Variants in CYYR1 observed in about 807,000 individuals in gnomAD.
CYYR1 encodes cysteine and tyrosine rich 1.
In CYYR1, 14 loss-of-function variants were observed where a neutral mutation model predicts 15.2. The observed-to-expected ratio is 0.92, with a 90% CI of 0.61 to 1.44. The LOEUF (loss-of-function observed/expected upper bound fraction) is 1.44, where lower values mean the gene tolerates loss of function less well. Among genes scored for constraint, CYYR1 ranks in the 40% most tolerant of loss-of-function variants. The pLI is 0.00. For missense variants in CYYR1, 228 were observed against 209.5 expected (o/e 1.09, Z -0.54); for synonymous variants, 80 against 77.4 (o/e 1.03, Z -0.18).
Position 26,478,945 on chromosome 21 carries a change from G to A in CYYR1, c.334+1327C>T, listed in dbSNP as rs140967769. Among the ~76,000 whole-genome samples, 365 of 152,148 alleles carry A rather than the reference G, an allele frequency of 2.4e-3. 1 individual carries two copies. Among genetic ancestry groups the A allele is most frequent in the African/African-American group, 8.1e-3 (337 of 41,522 alleles). Reference sequence around the variant, plus strand: ...AAGGCTGTGAGTGGACAGGGGTTTTGGGGGAAATCCAACACTTGGATCAGA... The same window carrying A: ...AAGGCTGTGAGTGGACAGGGGTTTTAGGGGAAATCCAACACTTGGATCAGA... On this transcript the variant is annotated intron_variant, in intron 3 of 3. Coordinates refer to ENST00000652641, the MANE Select transcript of CYYR1 (RefSeq NM_001320768.2).
intron 2 of CYYR1, among the ~76,000 whole-genome samples, chr21:26,499,230 A>G (rs1332877882): frequency 6.6e-6 from 1 of 152,140 alleles, no homozygotes; most frequent in Non-Finnish European, 1.5e-5. Flanking sequence ...ATACTGGATT[A>G]CCTGGGTCAG....
intron 2 of CYYR1, among the ~76,000 whole-genome samples, chr21:26,553,722 G>C (rs915046676): frequency 2.0e-5 from 3 of 152,170 alleles, no homozygotes; most frequent in African/African-American, 7.2e-5. Context: ...GTTATGCTCA[G>C]TAGGAGGCAG....
intron 2 of CYYR1, among the ~76,000 whole-genome samples, chr21:26,529,672 A>G (rs1269927993): frequency 1.3e-5 from 2 of 152,244 alleles, no homozygotes; most frequent in African/African-American, 4.8e-5. Context: ...TGCGGTTTGC[A>G]ACAGCCAAGA....
At chr21:26,490,961 G>T (rs1249676885) in intron 2 of CYYR1, among the ~76,000 whole-genome samples, 1 of 152,178 alleles carries the variant, frequency 6.6e-6, no homozygotes, top group Non-Finnish European at 1.5e-5. Flanking sequence ...TGAAATTTAA[G>T]CTCTAAGACC....
rs1425870029 is a variant in CYYR1, at chr21:26,510,583, A to G, written c.177-30154T>C. Among the ~76,000 whole-genome samples, 5 of 152,318 alleles carry G rather than the reference A, an allele frequency of 3.3e-5. No homozygotes were observed. In the East Asian group the frequency reaches 7.7e-4, roughly 24 times the overall value. ...CATTGGCTATTGTGCAATGTAGTCT[A>G]TTGTTGCAAGGATTCATGTGTATTT... On this transcript the variant is annotated intron_variant, in intron 2 of 3. Coordinates refer to ENST00000652641, the MANE Select transcript of CYYR1 (RefSeq NM_001320768.2).
At chr21:26,547,857 TAATACC>T (rs1343719168) in intron 2 of CYYR1, among the ~76,000 whole-genome samples, 1 of 152,024 alleles carries the variant, frequency 6.6e-6, no homozygotes, top group Non-Finnish European at 1.5e-5. Context: ...CCTGTTATAC[TAATACC>T]ATTCCCTGAT....
In CYYR1 at chr21:26,477,758, CTT is replaced by C. The variant is rs546169402; in HGVS notation, c.334+2512_334+2513del. 100 of 985,094 alleles carry C rather than the reference CTT, an allele frequency of 1.0e-4. No homozygotes were observed. In the Middle Eastern group the frequency reaches 2.1e-3, roughly 21 times the overall value. 61.0% of individuals were successfully genotyped at this position (985,094 alleles called of 1,614,324 possible). A position where few individuals can be genotyped will look rare whatever the true frequency, so the allele number is the denominator to read the frequency against. On this transcript the variant is annotated intron_variant, in intron 3 of 3. Transcript: ENST00000652641. The stretch of plus-strand genomic sequence containing the variant: ...TTCATACCTTCTCTACAATTAATGT[CTT>C]TGCTTGACTTTCTTCTGTTTTTCTC...
chr21:26,518,565 G>A (rs1184069907), intron 2 of CYYR1: 1 of 152,460 alleles, frequency 6.6e-6, no homozygotes, highest in East Asian at 1.9e-4. Flanking sequence ...CCAGAATCAT[G>A]AGCCAAATAA....
chr21:26,528,334 A>G (rs980215860), intron 2 of CYYR1, among the ~76,000 whole-genome samples: 2 of 152,084 alleles, frequency 1.3e-5, no homozygotes, highest in Non-Finnish European at 1.5e-5. Flanking sequence ...AGGTGGGCCT[A>G]GTGAGAGGTG....
intron 1 of CYYR1, chr21:26,567,832 C>G (rs765161576): frequency 6.6e-6 from 1 of 152,142 alleles, no homozygotes; most frequent in Non-Finnish European, 1.5e-5. Flanking sequence ...TAAGATGATA[C>G]TTTACAAAGA....
At chr21:26,489,170 A>G (rs1306914723) in intron 2 of CYYR1, among the ~76,000 whole-genome samples, 1 of 152,198 alleles carries the variant, frequency 6.6e-6, no homozygotes, top group African/African-American at 2.4e-5. Flanking sequence ...ATTGTTCCTC[A>G]TATCTTACGT....
At chr21:26,548,566 TA>T (rs1162897514) in intron 2 of CYYR1, among the ~76,000 whole-genome samples, 1 of 152,160 alleles carries the variant, frequency 6.6e-6, no homozygotes, top group Non-Finnish European at 1.5e-5. Context: ...AGGTTGGTCT[TA>T]AAAACTTCTA....
At chr21:26,532,746 C>T (rs1393151379) in intron 2 of CYYR1, among the ~76,000 whole-genome samples, 1 of 152,078 alleles carries the variant, frequency 6.6e-6, no homozygotes, top group African/African-American at 2.4e-5. Context: ...TAAGAAAATG[C>T]TTGTTTATTG....
At chr21:26,500,709 CAG>C (rs1301610592) in intron 2 of CYYR1, among the ~76,000 whole-genome samples, 1 of 152,142 alleles carries the variant, frequency 6.6e-6, no homozygotes, top group Non-Finnish European at 1.5e-5. Context: ...AGTGGGAAGA[CAG>C]AGCAATTGGC....
chr21:26,572,069 G>A (rs1342530948), intron 1 of CYYR1, among the ~76,000 whole-genome samples: 1 of 152,156 alleles, frequency 6.6e-6, no homozygotes, highest in East Asian at 1.9e-4. Context: ...GGAGGCTCAG[G>A]GGTGAGCCTG....
intron 2 of CYYR1, among the ~76,000 whole-genome samples, chr21:26,509,398 T>G (rs902158726): frequency 1.3e-5 from 2 of 152,208 alleles, no homozygotes; most frequent in African/African-American, 4.8e-5. Context: ...TTCCTATCCC[T>G]TTTTACTATT....
chr21:26,503,291 T>C (rs920788528), intron 2 of CYYR1, among the ~76,000 whole-genome samples: 4 of 152,172 alleles, frequency 2.6e-5, no homozygotes, highest in Non-Finnish European at 5.9e-5. Flanking sequence ...AGTCACTTGT[T>C]TCACTTTTTA....
intron 2 of CYYR1, among the ~76,000 whole-genome samples, chr21:26,489,378 A>G (rs923276186): frequency 1.3e-5 from 2 of 152,130 alleles, no homozygotes; most frequent in Admixed American, 6.6e-5. Context: ...CCCTTTAAGA[A>G]CTGCCTGGTT....
chr21:26,515,644 T>A (rs1268118895), intron 2 of CYYR1, among the ~76,000 whole-genome samples: 4 of 152,092 alleles, frequency 2.6e-5, no homozygotes, highest in Non-Finnish European at 5.9e-5. Context: ...TCAGAACTGC[T>A]CTCTTTCTCC....
Sources: allele counts gnomAD v4.1 joint callset (sites outside exome capture counted in the v4.1 genomes callset), GRCh38; gene constraint gnomAD v4.1.1; transcripts MANE v1.5; gene names NCBI Gene and HGNC (gene_info 2026-07-23, HGNC 2026-07-21).